Variants in MAP6D1 observed in about 807,000 individuals in gnomAD.
MAP6D1 encodes the protein MAP6 domain-containing protein 1.
Under a neutral mutation model 17.4 loss-of-function variants are expected in MAP6D1, and 13 were observed. The observed-to-expected ratio is 0.75, with a 90% CI of 0.49 to 1.19. The LOEUF (loss-of-function observed/expected upper bound fraction) is 1.19, where lower values mean the gene tolerates loss of function less well. MAP6D1 is among the 50% of genes most tolerant of loss of function. The pLI is 0.00. For synonymous variants in MAP6D1, 141 were observed against 145.7 expected (o/e 0.97, Z 0.23); for missense variants, 313 against 312.6 (o/e 1.00, Z -0.01).
chr3:183,825,505 G>C lies in MAP6D1; in HGVS notation c.43C>G (p.Arg15Gly), dbSNP rs1426291178. Reference sequence around the variant, plus strand: ...TCGGAGCGGTCCAGCTGGTTCCAGCGCCGCGCCAGGCAGCACAGGCGGCTG... The same window carrying C: ...TCGGAGCGGTCCAGCTGGTTCCAGCCCCGCGCCAGGCAGCACAGGCGGCTG... ...CISRLCCLAR[R>G]WNQLDRSDVA... The change falls in exon 1 of 3, where the codon CGC (arginine) becomes GGC (glycine). Residue 15 changes from arginine (R) to glycine (G), a missense_variant. Arg to Gly is a moderately radical substitution (Grantham distance 125). Transcript: ENST00000318631. 5.0e-6 allele frequency: 7 copies of C among 1,394,988 alleles called. No individual in the cohort carries two copies. Among genetic ancestry groups the C allele is most frequent in the Non-Finnish European group, 6.5e-6 (7 of 1,074,242 alleles). The allele number at this position is 1,394,988 out of a possible 1,614,324, so 86.4% of individuals were successfully genotyped here. A position where few individuals can be genotyped will look rare whatever the true frequency, so the allele number is the denominator to read the frequency against.
intron 1 of MAP6D1, among the ~76,000 whole-genome samples, chr3:183,818,978 A>G (rs1463084546): frequency 6.6e-6 from 1 of 152,182 alleles, no homozygotes; most frequent in African/African-American, 2.4e-5. Context: ...CTTTAATTCT[A>G]CCCACTCCTC....
chr3:183,823,672 C>T (rs1727309063), intron 1 of MAP6D1, among the ~76,000 whole-genome samples: 1 of 151,532 alleles, frequency 6.6e-6, no homozygotes, highest in Admixed American at 6.6e-5. Context: ...GCCTGTAATC[C>T]CAGCTACTCG....
chr3:183,824,594 G>A (rs1376088533), intron 1 of MAP6D1, among the ~76,000 whole-genome samples: 2 of 152,208 alleles, frequency 1.3e-5, no homozygotes, highest in Non-Finnish European at 2.9e-5. Flanking sequence ...AGGAAAAAAG[G>A]GAGAAAGCCC....
At chr3:183,823,949 C>A (rs1175257291) in intron 1 of MAP6D1, among the ~76,000 whole-genome samples, 2 of 152,234 alleles carry the variant, frequency 1.3e-5, no homozygotes, top group Non-Finnish European at 2.9e-5. Flanking sequence ...ATCAGGGCAT[C>A]CTGTGCTTAT....
rs553733022 is a variant in MAP6D1 at position 183,819,691 on chromosome 3, C to T, written c.402-1580G>A. 3.9e-5 allele frequency among the ~76,000 whole-genome samples: 6 copies of T among 152,300 alleles called. No homozygotes were observed. In the South Asian group the frequency reaches 6.2e-4, roughly 16 times the overall value. On this transcript the variant is annotated intron_variant, in intron 1 of 2. Transcript: ENST00000318631. The stretch of plus-strand genomic sequence containing the variant: ...CCCCATACAGTGCTCAAGCATGTTC[C>T]GGCATCAGCCCCGGACAGAGGATTG...
Position 183,816,509 on chromosome 3 carries a change from A to G in MAP6D1, c.*847T>C, listed in dbSNP as rs1727108972. The G allele has an allele frequency of 6.6e-6, 1 of 152,220 alleles. No homozygotes were observed. The highest frequency in any genetic ancestry group is 2.4e-5 in the African/African-American group (1 of 41,454). The allele number at this position is 152,220 out of a possible 1,614,324, so 9.4% of individuals were successfully genotyped here. ...GGTGGTGAGTTCCCCGTCACTGTAC[A>G]TGTGAGCAGGGTAGACGGAAGGGTT... is the stretch of plus-strand genomic sequence containing the variant. On this transcript the variant is annotated 3_prime_UTR_variant, in exon 3 of 3. Transcript: ENST00000318631.
chr3:183,825,085 C>T, intron 1 of MAP6D1, 62 bp downstream of exon 1: 1 of 1,295,870 alleles, frequency 7.7e-7, no homozygotes, highest in Non-Finnish European at 9.9e-7. Flanking sequence ...CCTCTGGCTC[C>T]GGGCCTCCGC....
In MAP6D1 at chr3:183,825,393, T is replaced by C; in HGVS notation, c.155A>G (p.Gln52Arg). The C allele has an allele frequency of 1.4e-6, 2 of 1,444,776 alleles. 1 individual carries two copies. Among genetic ancestry groups the C allele is most frequent in the South Asian group, 2.7e-5 (2 of 72,818 alleles). The allele number at this position is 1,444,776 out of a possible 1,614,324, so 89.5% of individuals were successfully genotyped here. The change falls in exon 1 of 3, where the codon CAG (glutamine) becomes CGG (arginine). Residue 52 changes from glutamine (Q) to arginine (R), a missense_variant. Physicochemically the swap from Gln to Arg is conservative, Grantham distance 43. Transcript: ENST00000318631. The stretch of plus-strand genomic sequence containing the variant: ...GGAATCCCGGGCGCCCGCGGGAGGC[T>C]GGCCCCTGCGCGAGGCGGCGCCGCC... ...GTGGAASRRGQPPAGARDSGR... is the reference protein window; with the variant it reads ...GTGGAASRRGRPPAGARDSGR...
chr3:183,824,577 T>C (rs1727329099), intron 1 of MAP6D1, among the ~76,000 whole-genome samples: 1 of 152,144 alleles, frequency 6.6e-6, no homozygotes, highest in Admixed American at 6.5e-5. Flanking sequence ...ATTACTTTTG[T>C]GGTAAGAGGA....
chr3:183,821,903 C>T (rs1301565871), intron 1 of MAP6D1, among the ~76,000 whole-genome samples: 2 of 151,896 alleles, frequency 1.3e-5, no homozygotes, highest in African/African-American at 2.4e-5. Context: ...TCAGGAGATC[C>T]GTCCATCTCG....
chr3:183,820,853 G>C (rs189818424), intron 1 of MAP6D1, among the ~76,000 whole-genome samples: 1 of 152,046 alleles, frequency 6.6e-6, no homozygotes, highest in African/African-American at 2.4e-5. Flanking sequence ...GTTGCAGTGA[G>C]CCAAGGTTGC....
At chr3:183,819,256 C>G (rs1158627123) in intron 1 of MAP6D1, among the ~76,000 whole-genome samples, 1 of 152,254 alleles carries the variant, frequency 6.6e-6, no homozygotes, top group Non-Finnish European at 1.5e-5. Flanking sequence ...AGGAGGAGAG[C>G]TAGGCCGGGG....
intron 1 of MAP6D1, among the ~76,000 whole-genome samples, chr3:183,823,712 C>G (rs1727309708): frequency 1.3e-5 from 2 of 152,134 alleles, no homozygotes; most frequent in African/African-American, 4.8e-5. Context: ...TTGCTGGAAC[C>G]AGGGAGGCAG....
At position 183,816,617 on chromosome 3, in the gene MAP6D1, GTA is replaced by G. The variant is rs1408866797; in HGVS notation, c.*737_*738del. On this transcript the variant is annotated 3_prime_UTR_variant, in exon 3 of 3. Transcript: ENST00000318631. ...AACAGTTCCAGTTCTCAGCCAGTGT[GTA>G]TGATAGTGCCCTGCTCATCATCCTT... is the stretch of plus-strand genomic sequence containing the variant. The G allele has an allele frequency of 6.6e-6, 1 of 152,648 alleles. No homozygotes were observed. Among genetic ancestry groups the G allele is most frequent in the Non-Finnish European group, 1.5e-5 (1 of 68,374 alleles). 9.5% of individuals were successfully genotyped at this position (152,648 alleles called of 1,614,324 possible). A position where few individuals can be genotyped will look rare whatever the true frequency, so the allele number is the denominator to read the frequency against.
rs1727099512 is a variant in MAP6D1 at position 183,816,229 on chromosome 3, T to C, written c.*1127A>G. 6.6e-6 allele frequency: 1 copy of C among 152,190 alleles called. No homozygotes were observed. Among genetic ancestry groups the C allele is most frequent in the Non-Finnish European group, 1.5e-5 (1 of 68,034 alleles). The allele number at this position is 152,190 out of a possible 1,614,324, so 9.4% of individuals were successfully genotyped here. On this transcript the variant is annotated 3_prime_UTR_variant, in exon 3 of 3. Transcript: ENST00000318631. ...ACGTCTGGTGGCTCTGAGACCCGAGTGCCACCACCTGCAGCTTAAATGCTC... is the reference window on the plus strand; with the variant it reads ...ACGTCTGGTGGCTCTGAGACCCGAGCGCCACCACCTGCAGCTTAAATGCTC...
chr3:183,819,496 C>T (rs1046144596), intron 1 of MAP6D1, among the ~76,000 whole-genome samples: 2 of 152,222 alleles, frequency 1.3e-5, no homozygotes, highest in African/African-American at 4.8e-5. Context: ...CCACAGACGA[C>T]AGCAATCCTG....
At position 183,817,041 on chromosome 3, in the gene MAP6D1, C is replaced by G; in HGVS notation, c.*315G>C. 1 of 379,726 alleles carries G rather than the reference C, an allele frequency of 2.6e-6. No homozygotes were observed. The highest frequency in any genetic ancestry group is 2.5e-5 in the South Asian group (1 of 40,298). 23.5% of individuals were successfully genotyped at this position (379,726 alleles called of 1,614,324 possible). ...TCCACATTCCTCAGCTTCCATGGAC[C>G]AATTCGGTTCCCAACTGACTTGATC... On this transcript the variant is annotated 3_prime_UTR_variant, in exon 3 of 3. Coordinates refer to ENST00000318631, the MANE Select transcript of MAP6D1 (RefSeq NM_024871.4).
At chr3:183,817,474 T>C (rs762793585) in intron 2 of MAP6D1, 38 bp from the exon 3 acceptor site, 70 of 1,519,866 alleles carry the variant, frequency 4.6e-5, no homozygotes, top group Non-Finnish European at 6.2e-5. Context: ...AGTGGGACTT[T>C]TCCTTAACTC....
intron 1 of MAP6D1, among the ~76,000 whole-genome samples, chr3:183,819,100 G>T (rs1727186682): frequency 6.6e-6 from 1 of 152,250 alleles, no homozygotes; most frequent in Non-Finnish European, 1.5e-5. Context: ...AGTTGCTCCT[G>T]CCCAGGCTGG....
Sources: allele counts gnomAD v4.1 joint callset (sites outside exome capture counted in the v4.1 genomes callset), GRCh38; gene constraint gnomAD v4.1.1; transcripts MANE v1.5; gene names NCBI Gene and HGNC (gene_info 2026-07-23, HGNC 2026-07-21).